The following STK11IP variants were observed in gnomAD, a reference collection of about 807,000 sequenced individuals.
STK11IP encodes serine/threonine-protein kinase 11-interacting protein.
In STK11IP, 103 loss-of-function variants were observed where a neutral mutation model predicts 131.7. The ratio of observed to expected loss-of-function variants is 0.78; its 90% CI spans 0.67 to 0.92. STK11IP has a LOEUF of 0.92. Ranked by LOEUF, STK11IP falls within the 40% of genes least tolerant of loss-of-function variation. The probability of loss-of-function intolerance (pLI) is 0.00; values close to 1 mark genes in which losing one functional copy is unlikely to be tolerated. For synonymous variants in STK11IP, 557 were observed against 575.6 expected (o/e 0.97, Z 0.46); for missense variants, 1,315 against 1,385.7 (o/e 0.95, Z 0.81).
intron 2 of STK11IP, among the ~76,000 whole-genome samples, chr2:219,600,541 A>G (rs77528846): frequency 2.6e-5 from 4 of 152,352 alleles, no homozygotes; most frequent in Non-Finnish European, 5.9e-5. Flanking sequence ...TAAGCCAAAA[A>G]AGCATTCCTT....
chr2:219,615,035 G>A (rs1178398907), intron 23 of STK11IP, 59 bp from the exon 24 acceptor site: 14 of 1,558,862 alleles, frequency 9.0e-6, no homozygotes, highest in Non-Finnish European at 1.1e-5. Context: ...CTGGGACGCT[G>A]GCCCCAGGGA....
chr2:219,609,273 GT>G, intron 16 of STK11IP, 60 bp downstream of exon 16: 2 of 1,575,542 alleles, frequency 1.3e-6, no homozygotes, highest in Non-Finnish European at 1.7e-6. Context: ...CCAGAGGGAA[GT>G]GGCAGCAGGC....
rs1354515267 is a variant in STK11IP at position 219,611,991 on chromosome 2, G to A, written c.2372G>A (p.Arg791Gln). The change falls in exon 19 of 25, where the codon CGA becomes CAA. Residue 791 changes from arginine to glutamine, a missense_variant. Arg to Gln is a conservative substitution (Grantham distance 43). Transcript: ENST00000456909. ...TGTGGCCTCCGCTCTGTGGACCACC[G>A]ACTCCGGCTCTTCCTGGATGTTGAG... The part of the protein sequence containing the change: ...ERCGLRSVDH[R>Q]LRLFLDVEVF... 3 of 1,604,336 alleles carry A rather than the reference G, an allele frequency of 1.9e-6. No homozygotes were observed. The highest frequency in any genetic ancestry group is 1.7e-5 in the Admixed American group (1 of 59,004).
intron 17 of STK11IP, among the ~76,000 whole-genome samples, chr2:219,611,081 T>A (rs1294171651): frequency 6.6e-6 from 1 of 152,022 alleles, no homozygotes; most frequent in Non-Finnish European, 1.5e-5. Flanking sequence ...TAAGGATGAG[T>A]ATAAGATAGA....
In STK11IP at chr2:219,608,545, T is replaced by C. The variant is rs754393916; in HGVS notation, c.1604-38T>C. 7.1e-6 allele frequency: 11 copies of C among 1,550,104 alleles called. No individual in the cohort carries two copies. In the Admixed American group the frequency reaches 9.5e-5, roughly 13 times the overall value. On this transcript the variant is annotated intron_variant, in intron 14 of 24. Coordinates refer to ENST00000456909, the MANE Select transcript of STK11IP (RefSeq NM_052902.4). ...GGGGGAGGGCAGAGTGTGGGTACTT[T>C]CCCTCCCTGCAGGCCTTTTCTCTTG...
chr2:219,604,568 A>G (rs1285339286), intron 7 of STK11IP, among the ~76,000 whole-genome samples: 3 of 152,204 alleles, frequency 2.0e-5, no homozygotes, highest in Non-Finnish European at 4.4e-5. Flanking sequence ...GGACATTTCT[A>G]TGGAAACAAA....
At position 219,609,746 on chromosome 2, in the gene STK11IP, T is replaced by G. The variant is rs895949653; in HGVS notation, c.2104+206T>G. On this transcript the variant is annotated intron_variant, in intron 17 of 24. Transcript: ENST00000456909. ...AAAAAAAGAAGAAACTATATCCTGT[T>G]TTTTTTTTTTTTTTAACTCTAAAAG... 22 of 33,546 alleles carry G rather than the reference T, an allele frequency of 6.6e-4. No individual in the cohort carries two copies. The East Asian group carries it at 0.01, about 15-fold the overall frequency. 2.1% of individuals were successfully genotyped at this position (33,546 alleles called of 1,614,324 possible).
At chr2:219,614,584 G>C (rs1344874802) in intron 23 of STK11IP, 38 bp downstream of exon 23, 2 of 1,608,030 alleles carry the variant, frequency 1.2e-6, no homozygotes, top group African/African-American at 1.3e-5. Context: ...CCTGGTCTCT[G>C]TACCCTACCT....
At position 219,612,979 on chromosome 2, in the gene STK11IP, C is replaced by T. The variant is rs1698442109; in HGVS notation, c.2440-149C>T. 8.0e-6 allele frequency: 5 copies of T among 621,494 alleles called. No individual in the cohort carries two copies. In the Admixed American group the frequency reaches 1.2e-4, roughly 15 times the overall value. 38.5% of individuals were successfully genotyped at this position (621,494 alleles called of 1,614,324 possible). A position where few individuals can be genotyped will look rare whatever the true frequency, so the allele number is the denominator to read the frequency against. ...CAGAGAGCGGTGGTGGATGAAGAGG[C>T]TGTCGAGTGTGAGGGAAGCTCCATA... On this transcript the variant is annotated intron_variant, in intron 19 of 24. Transcript: ENST00000456909.
chr2:219,604,949 C>G (rs1191488056), intron 7 of STK11IP, among the ~76,000 whole-genome samples: 3 of 152,136 alleles, frequency 2.0e-5, no homozygotes, highest in African/African-American at 7.2e-5. Flanking sequence ...CCTGCCTCAG[C>G]CTCCCAAGTA....
At chr2:219,612,494 T>C (rs1559186708) in intron 19 of STK11IP, among the ~76,000 whole-genome samples, 2 of 152,368 alleles carry the variant, frequency 1.3e-5, no homozygotes, top group East Asian at 3.9e-4. Context: ...AATGCTGTAA[T>C]CGGGCTAAGG....
In STK11IP at chr2:219,607,069, G is replaced by A. The variant is rs1276554405; in HGVS notation, c.1151G>A (p.Arg384Lys). 1.1e-5 allele frequency: 17 copies of A among 1,613,802 alleles called. No individual in the cohort carries two copies. The highest frequency in any genetic ancestry group is 1.4e-5 in the Non-Finnish European group (16 of 1,179,890). The change falls in exon 13 of 25, where the codon AGG (arginine) becomes AAG (lysine). Residue 384 changes from arginine to lysine, a missense_variant. Transcript: ENST00000456909. ...LHKVKSRVRV[R>K]RASISEPSDT... is the part of the protein sequence containing the mutation. Reference sequence around the variant, plus strand: ...CAACCTCAGAGCCGAGTCCGTGTGAGGCGGGCAAGCATCTCTGAACCCAGT... The same window carrying A: ...CAACCTCAGAGCCGAGTCCGTGTGAAGCGGGCAAGCATCTCTGAACCCAGT...
chr2:219,602,625 T>A, intron 6 of STK11IP, 50 bp downstream of exon 6: 1 of 1,611,460 alleles, frequency 6.2e-7, no homozygotes, highest in Non-Finnish European at 8.5e-7. Context: ...AGGCCAGGCC[T>A]TTGGGGAGGA....
Position 219,608,126 on chromosome 2 carries a change from C to T in STK11IP, c.1299C>T (p.Tyr433=), listed in dbSNP as rs535956219. 10 of 1,613,314 alleles carry T rather than the reference C, an allele frequency of 6.2e-6. No individual in the cohort carries two copies. The African/African-American group carries it at 1.2e-4, about 19-fold the overall frequency. The stretch of plus-strand genomic sequence containing the variant: ...GGTTCGGCCGCAACTGGCTGCAGTA[C>T]AGGAGTCACCTGGAGCCCTCCGGAA... The part of the protein sequence containing the change: ...RERFGRNWLQ[Y]RSHLEPSGNP... The change falls in exon 14 of 25, where the codon TAC becomes TAT. Residue 433 remains tyrosine, a synonymous_variant. Coordinates refer to ENST00000456909, the MANE Select transcript of STK11IP (RefSeq NM_052902.4).
chr2:219,612,980 T>C, intron 19 of STK11IP, 148 bp from the exon 20 acceptor site: 2 of 622,974 alleles, frequency 3.2e-6, no homozygotes, highest in Non-Finnish European at 5.8e-6. Flanking sequence ...ATGAAGAGGC[T>C]GTCGAGTGTG....
intron 20 of STK11IP, 61 bp from the exon 21 acceptor site, chr2:219,613,691 C>T: frequency 6.2e-7 from 1 of 1,601,930 alleles, no homozygotes. Flanking sequence ...GGGGCAGGGC[C>T]TCTCTGGGAC....
chr2:219,605,782 G>C, intron 8 of STK11IP, 48 bp downstream of exon 8: 1 of 1,577,538 alleles, frequency 6.3e-7, no homozygotes, highest in Non-Finnish European at 8.6e-7. Flanking sequence ...AAGGGGGAGA[G>C]TGAGGCTGGG....
intron 5 of STK11IP, 94 bp from the exon 6 acceptor site, chr2:219,602,374 T>G: frequency 3.1e-6 from 3 of 973,160 alleles, no homozygotes; most frequent in Non-Finnish European, 3.1e-6. Context: ...GTTCAGTGTA[T>G]AAAAAATGAA....
At chr2:219,610,603 C>T (rs564907307) in intron 17 of STK11IP, among the ~76,000 whole-genome samples, 4 of 152,224 alleles carry the variant, frequency 2.6e-5, no homozygotes, top group South Asian at 2.1e-4. Context: ...GGGGTTTCAC[C>T]GTGTTAGCCA....
Sources: gnomAD v4.1 joint callset for allele counts (sites outside exome capture counted in the v4.1 genomes callset) on GRCh38, gnomAD v4.1.1 for gene constraint, MANE v1.5 for transcripts, NCBI Gene and HGNC (gene_info 2026-07-23, HGNC 2026-07-21) for gene names.